Variants in ZC3H12B observed in about 807,000 individuals in gnomAD.
The protein encoded by ZC3H12B is probable ribonuclease ZC3H12B.
A neutral mutation model predicts 43.9 loss-of-function variants in ZC3H12B; 7 were observed. The observed-to-expected ratio is 0.16, with a 90% CI of 0.09 to 0.30. The LOEUF is 0.30. Ranked by LOEUF, ZC3H12B falls within the 10% of genes least tolerant of loss-of-function variation. ZC3H12B has a pLI of 1.00. For synonymous variants in ZC3H12B, 222 were observed against 241.7 expected, an observed-to-expected ratio of 0.92 and a Z score of 0.76; for missense variants, 475 against 670.2, an observed-to-expected ratio of 0.71 and a Z score of 3.22.
chrX:65,203,478 A>C, the ZC3H12B span, among the ~76,000 whole-genome samples: 1 of 110,267 alleles, frequency 9.1e-6, no homozygotes, highest in Admixed American at 9.8e-5. Flanking sequence ...CCTTTTCTTC[A>C]AGGTGGCACA....
the ZC3H12B span, among the ~76,000 whole-genome samples, chrX:65,055,306 A>C: frequency 9.0e-6 from 1 of 111,592 alleles, no homozygotes. Flanking sequence ...GGGCTGTTGA[A>C]TTTTGTCAAA....
chrX:65,465,752 TTATTA>T (rs2067809493), intron 3 of ZC3H12B, among the ~76,000 whole-genome samples: 1 of 111,154 alleles, frequency 9.0e-6, no homozygotes, highest in Admixed American at 9.7e-5. Context: ...CTTATCTCTT[TTATTA>T]TATTTTTGAG....
the ZC3H12B span, among the ~76,000 whole-genome samples, chrX:65,311,815 T>TA: frequency 3.6e-5 from 4 of 111,309 alleles, no homozygotes; most frequent in African/African-American, 9.8e-5. Flanking sequence ...TATGCAGCCA[T>TA]AAAAAAGGAT....
chrX:65,267,506 AAG>A, the ZC3H12B span, among the ~76,000 whole-genome samples: 1 of 111,149 alleles, frequency 9.0e-6, no homozygotes, highest in Non-Finnish European at 1.9e-5. Flanking sequence ...CAGGGGAAAA[AAG>A]GAAAAAAAAT....
the ZC3H12B span, among the ~76,000 whole-genome samples, chrX:65,299,602 C>A: frequency 2.3e-3 from 254 of 111,767 alleles, 2 homozygotes; most frequent in African/African-American, 7.8e-3. Context: ...GGTCTAAGAG[C>A]TCAAATTCTG....
chrX:65,351,869 G>A, the ZC3H12B span, among the ~76,000 whole-genome samples: 37 of 112,247 alleles, frequency 3.3e-4, no homozygotes, highest in African/African-American at 1.2e-3. Flanking sequence ...ACAGTCAGTG[G>A]GAATTTAAAT....
Position 65,458,184 on chromosome X carries a change from T to C in ZC3H12B, n.408-30462T>C, listed in dbSNP as rs184013582. On this transcript the variant is annotated intron_variant and non_coding_transcript_variant, in intron 3 of 5. Coordinates refer to the ZC3H12B transcript ENST00000617377. Reference sequence around the variant, plus strand: ...CTATCCTAAATATATATGCACCCAATACTGGAGCACCCAGATTCGTAAAGC... The same window carrying C: ...CTATCCTAAATATATATGCACCCAACACTGGAGCACCCAGATTCGTAAAGC... Among the ~76,000 whole-genome samples the C allele has an allele frequency of 3.8e-3, 391 of 102,294 alleles. 4 individuals carry two copies. Among genetic ancestry groups the C allele is most frequent in the African/African-American group, 0.013 (375 of 27,927 alleles). The allele number at this position is 102,294 out of a possible 115,157, so 88.8% of individuals were successfully genotyped here. A position where few individuals can be genotyped will look rare whatever the true frequency, so the allele number is the denominator to read the frequency against.
chrX:65,392,953 C>G (rs775451841), intron 2 of ZC3H12B, among the ~76,000 whole-genome samples: 1 of 112,097 alleles, frequency 8.9e-6, no homozygotes, highest in Non-Finnish European at 1.9e-5. Context: ...ACCCCAACCC[C>G]GTGCTCTCTG....
At chrX:65,110,440 T>A in the ZC3H12B span, among the ~76,000 whole-genome samples, 1 of 109,899 alleles carries the variant, frequency 9.1e-6, no homozygotes, top group Admixed American at 9.8e-5. Context: ...TACATTTAAG[T>A]CTCTGATCCA....
chrX:65,168,889 C>A, the ZC3H12B span, among the ~76,000 whole-genome samples: 1 of 111,157 alleles, frequency 9.0e-6, no homozygotes, highest in Non-Finnish European at 1.9e-5. Context: ...GGTGATATCC[C>A]CTTTATCATT....
intron 3 of ZC3H12B, among the ~76,000 whole-genome samples, chrX:65,453,405 A>T (rs1322098888): frequency 1.3e-4 from 9 of 68,504 alleles, no homozygotes; most frequent in East Asian, 9.7e-4. Flanking sequence ...TATATATATA[A>T]AATAGAATAG....
chrX:65,122,076 C>T, the ZC3H12B span, among the ~76,000 whole-genome samples: 1 of 110,716 alleles, frequency 9.0e-6, no homozygotes, highest in Non-Finnish European at 1.9e-5. Flanking sequence ...ACTGTGTGGT[C>T]AGTTTTGGAA....
the ZC3H12B span, among the ~76,000 whole-genome samples, chrX:65,320,932 A>C: frequency 8.9e-6 from 1 of 112,520 alleles, no homozygotes; most frequent in Admixed American, 9.4e-5. Flanking sequence ...TAAAACCAAA[A>C]ACTATGAAAA....
the ZC3H12B span, among the ~76,000 whole-genome samples, chrX:65,064,139 T>A: frequency 8.9e-6 from 1 of 111,908 alleles, no homozygotes; most frequent in Admixed American, 9.5e-5. Flanking sequence ...AGGTTTTTCA[T>A]GTCTCTATCT....
chrX:65,487,792 G>A (rs1418850282), upstream of ZC3H12B, among the ~76,000 whole-genome samples: 1 of 112,199 alleles, frequency 8.9e-6, no homozygotes, highest in Non-Finnish European at 1.9e-5. Flanking sequence ...CAATTTTAAT[G>A]GTTTTCTAGT....
At chrX:65,129,249 GTATATATGTATATATATA>G in the ZC3H12B span, among the ~76,000 whole-genome samples, 2 of 104,530 alleles carry the variant, frequency 1.9e-5, no homozygotes, top group East Asian at 3.0e-4. Flanking sequence ...ATGTATGTGT[GTATATATGTATATATATA>G]TATATACATA....
chrX:65,202,081 A>ATAT, the ZC3H12B span, among the ~76,000 whole-genome samples: 3 of 93,667 alleles, frequency 3.2e-5, no homozygotes, highest in Non-Finnish European at 4.1e-5. Flanking sequence ...TATTACATAT[A>ATAT]ATATATGTAA....
At chrX:65,134,973 C>T in the ZC3H12B span, among the ~76,000 whole-genome samples, 1 of 110,865 alleles carries the variant, frequency 9.0e-6, no homozygotes, top group African/African-American at 3.3e-5. Context: ...AAGGTAATGT[C>T]GTCAGTTAAG....
chrX:65,321,907 G>A, the ZC3H12B span, among the ~76,000 whole-genome samples: 1 of 110,716 alleles, frequency 9.0e-6, no homozygotes, highest in Admixed American at 9.6e-5. Flanking sequence ...TAGGGAGGGA[G>A]GAAGGAGAGA....
Sources: gnomAD v4.1 joint callset for allele counts (sites outside exome capture counted in the v4.1 genomes callset) on GRCh38, gnomAD v4.1.1 for gene constraint, MANE v1.5 for transcripts, NCBI Gene and HGNC (gene_info 2026-07-23, HGNC 2026-07-21) for gene names.